The following CSMD3 variants were observed in gnomAD, a reference collection of about 807,000 sequenced individuals.
The protein encoded by CSMD3 is CUB and sushi domain-containing protein 3.
Under a neutral mutation model 435.2 loss-of-function variants are expected in CSMD3, and 177 were observed. The ratio of observed to expected loss-of-function variants is 0.41; its 90% CI spans 0.36 to 0.46. CSMD3 has a LOEUF of 0.46. Among genes scored for constraint, CSMD3 ranks in the 20% least tolerant of loss-of-function variants. The pLI, the probability that CSMD3 is intolerant of heterozygous loss-of-function variation, is 0.34. For missense variants in CSMD3, 4,265 were observed against 4,504.6 expected (o/e 0.95, Z 1.52); for synonymous variants, 1,656 against 1,520.5 (o/e 1.09, Z -2.07).
At chr8:112,251,784 G>A (rs1182994816) in intron 63 of CSMD3, among the ~76,000 whole-genome samples, 1 of 151,618 alleles carries the variant, frequency 6.6e-6, no homozygotes, top group Non-Finnish European at 1.5e-5. Flanking sequence ...ATTGCCCAGA[G>A]CTCAGTTTAA....
intron 23 of CSMD3, among the ~76,000 whole-genome samples, chr8:112,586,612 C>T (rs1353158311): frequency 6.6e-6 from 1 of 150,826 alleles, no homozygotes; most frequent in African/African-American, 2.4e-5. Context: ...GTCATAAATG[C>T]AAAAGATTCT....
chr8:113,086,214 A>G (rs2089772089), intron 5 of CSMD3, among the ~76,000 whole-genome samples: 1 of 150,582 alleles, frequency 6.6e-6, no homozygotes, highest in African/African-American at 2.4e-5. Context: ...GCGCCACTGC[A>G]CTCCAGCCTG....
chr8:112,736,444 C>A (rs1272377944), intron 13 of CSMD3, among the ~76,000 whole-genome samples: 1 of 152,034 alleles, frequency 6.6e-6, no homozygotes, highest in Non-Finnish European at 1.5e-5. Flanking sequence ...TGCTCACAAT[C>A]TTTAGGATAC....
chr8:112,941,003 A>G (rs964373713), intron 9 of CSMD3, among the ~76,000 whole-genome samples: 1 of 151,836 alleles, frequency 6.6e-6, no homozygotes, highest in Non-Finnish European at 1.5e-5. Context: ...AGGATCTTGC[A>G]CTTAGAAAAG....
At chr8:112,933,032 G>C (rs1452360415) in intron 9 of CSMD3, among the ~76,000 whole-genome samples, 1 of 152,066 alleles carries the variant, frequency 6.6e-6, no homozygotes, top group Non-Finnish European at 1.5e-5. Flanking sequence ...AAGAAATAGT[G>C]CTCTACTAAA....
intron 11 of CSMD3, among the ~76,000 whole-genome samples, chr8:112,832,793 T>C (rs1408069118): frequency 6.6e-6 from 1 of 152,182 alleles, no homozygotes; most frequent in African/African-American, 2.4e-5. Flanking sequence ...AAAAAATTTA[T>C]GTTGTTTCAT....
intron 1 of CSMD3, among the ~76,000 whole-genome samples, chr8:113,418,087 A>G (rs1314425802): frequency 1.3e-5 from 2 of 152,130 alleles, no homozygotes; most frequent in African/African-American, 4.8e-5. Context: ...ATAAGATTCA[A>G]CGGAGATATA....
At chr8:112,375,397 T>C (rs1190633837) in intron 38 of CSMD3, among the ~76,000 whole-genome samples, 1 of 152,144 alleles carries the variant, frequency 6.6e-6, no homozygotes, top group Admixed American at 6.6e-5. Flanking sequence ...AAATTACAAC[T>C]AGTATGTCTT....
chr8:112,718,655 A>G (rs1198340469), intron 13 of CSMD3, among the ~76,000 whole-genome samples: 2 of 151,940 alleles, frequency 1.3e-5, no homozygotes, highest in Non-Finnish European at 2.9e-5. Flanking sequence ...GAATATTCCT[A>G]TTTATCTTTT....
At chr8:112,749,861 T>C (rs1171979602) in intron 13 of CSMD3, among the ~76,000 whole-genome samples, 1 of 131,190 alleles carries the variant, frequency 7.6e-6, no homozygotes, top group African/African-American at 3.3e-5. Flanking sequence ...ACTAAAATAT[T>C]TCTCTGTCAG....
At chr8:112,600,187 C>A (rs955967326) in intron 22 of CSMD3, among the ~76,000 whole-genome samples, 34 of 151,878 alleles carry the variant, frequency 2.2e-4, no homozygotes, top group Admixed American at 2.6e-4. Context: ...GATTTAAATT[C>A]CATGTACACT....
chr8:112,345,408 TA>T (rs550653541), intron 41 of CSMD3, among the ~76,000 whole-genome samples: 34 of 151,626 alleles, frequency 2.2e-4, no homozygotes, highest in Admixed American at 9.2e-4. Context: ...TATTCAGCCA[TA>T]AAAAAAACAA....
intron 28 of CSMD3, among the ~76,000 whole-genome samples, chr8:112,510,294 T>C (rs951739604): frequency 6.6e-6 from 1 of 152,198 alleles, no homozygotes; most frequent in African/African-American, 2.4e-5. Flanking sequence ...TTGTCTAAAA[T>C]ATAATGTCCC....
At chr8:113,124,917 T>C (rs2131650354) in intron 4 of CSMD3, among the ~76,000 whole-genome samples, 1 of 152,102 alleles carries the variant, frequency 6.6e-6, no homozygotes, top group African/African-American at 2.4e-5. Context: ...CAGAGTCATA[T>C]TTCTAAAATG....
At chr8:113,233,620 TAA>T (rs925893184) in intron 3 of CSMD3, among the ~76,000 whole-genome samples, 13 of 151,222 alleles carry the variant, frequency 8.6e-5, no homozygotes, top group African/African-American at 3.1e-4. Flanking sequence ...AATGAAAAAA[TAA>T]AGACAGTCAG....
intron 1 of CSMD3, among the ~76,000 whole-genome samples, chr8:113,426,062 A>G (rs1391901617): frequency 2.0e-5 from 3 of 151,468 alleles, no homozygotes; most frequent in African/African-American, 4.8e-5. Flanking sequence ...TTCAAGGTAG[A>G]GTATGTATCG....
intron 4 of CSMD3, among the ~76,000 whole-genome samples, chr8:113,123,372 G>A (rs1037376790): frequency 6.6e-6 from 1 of 152,042 alleles, no homozygotes. Flanking sequence ...ACTAAATGAG[G>A]AGTCAGCAAA....
chr8:113,323,083 T>C (rs762735080), intron 1 of CSMD3, among the ~76,000 whole-genome samples: 2 of 152,148 alleles, frequency 1.3e-5, no homozygotes, highest in Non-Finnish European at 1.5e-5. Flanking sequence ...AGATGAGTGC[T>C]TTTGACCATC....
chr8:113,291,664 CCTACGAGTAG>C (rs1233431204), intron 2 of CSMD3, among the ~76,000 whole-genome samples: 1 of 151,698 alleles, frequency 6.6e-6, no homozygotes, highest in African/African-American at 2.4e-5. Flanking sequence ...TGTTTGTTCC[CCTACGAGTAG>C]CCACCAGTGT....
Sources: gnomAD v4.1 joint callset for allele counts (sites outside exome capture counted in the v4.1 genomes callset) on GRCh38, gnomAD v4.1.1 for gene constraint, MANE v1.5 for transcripts, NCBI Gene and HGNC (gene_info 2026-07-23, HGNC 2026-07-21) for gene names.